The following NKAIN2 variants were observed in gnomAD, a reference collection of about 807,000 sequenced individuals.
NKAIN2 encodes sodium/potassium transporting ATPase interacting 2.
NKAIN2 carries 14 observed loss-of-function variants against 32.6 expected under a neutral mutation model. The ratio of observed to expected loss-of-function variants is 0.43; its 90% CI spans 0.28 to 0.67. The LOEUF (loss-of-function observed/expected upper bound fraction) is 0.67, where lower values mean the gene tolerates loss of function less well. Ranked by LOEUF, NKAIN2 falls within the 30% of genes least tolerant of loss-of-function variation. NKAIN2 has a pLI of 0.17. For missense variants in NKAIN2, 198 were observed against 258.3 expected (o/e 0.77, Z 1.60); for synonymous variants, 80 against 87.2 (o/e 0.92, Z 0.46).
At chr6:124,565,156 T>C (rs1037847986) in intron 3 of NKAIN2, among the ~76,000 whole-genome samples, 1 of 152,160 alleles carries the variant, frequency 6.6e-6, no homozygotes, top group Non-Finnish European at 1.5e-5. Context: ...AGAGGTATCA[T>C]AGCCAAGGTC....
chr6:124,437,727 G>A (rs978550208), intron 3 of NKAIN2, among the ~76,000 whole-genome samples: 47 of 152,256 alleles, frequency 3.1e-4, no homozygotes, highest in African/African-American at 1.1e-3. Context: ...GGTAAGGCAT[G>A]TGCTTTGTGC....
At chr6:123,856,495 T>C (rs1775559557) in intron 1 of NKAIN2, among the ~76,000 whole-genome samples, 1 of 152,232 alleles carries the variant, frequency 6.6e-6, no homozygotes, top group African/African-American at 2.4e-5. Flanking sequence ...ATGTTTCTCT[T>C]TCTTTGGATT....
chr6:124,620,767 G>C (rs1339517896), intron 3 of NKAIN2, among the ~76,000 whole-genome samples: 3 of 152,138 alleles, frequency 2.0e-5, no homozygotes, highest in African/African-American at 7.2e-5. Context: ...CAAAAGCTTG[G>C]AGGGGTTTTC....
rs143482640 is a variant in NKAIN2 at position 124,269,530 on chromosome 6, C to T, written c.55-13475C>T. Among the ~76,000 whole-genome samples, 93 of 148,940 alleles carry T rather than the reference C, an allele frequency of 6.2e-4. 1 individual carries two copies. Among genetic ancestry groups the T allele is most frequent in the Middle Eastern group, 3.5e-3 (1 of 282 alleles). On this transcript the variant is annotated intron_variant, in intron 1 of 6. Coordinates refer to ENST00000368417, the MANE Select transcript of NKAIN2 (RefSeq NM_001040214.3). ...TCACCTAGGCTGTGGTGCAATGGTG[C>T]GAACTCGGCTCACTGAAACCTCCGC...
At chr6:124,398,568 T>C (rs73578434) in intron 3 of NKAIN2, among the ~76,000 whole-genome samples, 5,279 of 152,202 alleles carry the variant, frequency 0.035, 286 homozygotes, top group African/African-American at 0.12. Context: ...ACTCATAGGC[T>C]TGAGAAGGCC....
intron 3 of NKAIN2, among the ~76,000 whole-genome samples, chr6:124,371,927 A>G (rs1054033907): frequency 2.6e-5 from 4 of 152,256 alleles, no homozygotes; most frequent in Admixed American, 2.0e-4. Flanking sequence ...CAGGGCACAC[A>G]TGACGTGATC....
intron 3 of NKAIN2, among the ~76,000 whole-genome samples, chr6:124,623,596 C>T (rs1783192160): frequency 1.3e-5 from 2 of 152,102 alleles, no homozygotes; most frequent in African/African-American, 4.8e-5. Flanking sequence ...TATTAAAACT[C>T]TAAATTCAAG....
At position 124,323,777 on chromosome 6, in the gene NKAIN2, A is replaced by ATTTTCTTTTTTTTTTTTTTTTTTTTT. The variant is rs1237658485; in HGVS notation, c.193-31486_193-31485insCTTTTTTTTTTTTTTTTTTTTTTTTT. ...TGATTTAGCTGTTTCAATTCTTTTA[A>ATTTTCTTTTTTTTTTTTTTTTTTTTT]TTTTTTCTTTTTTTTTTTTTTTTTT... On this transcript the variant is annotated intron_variant, in intron 2 of 6. Transcript: ENST00000368417. 2.6e-5 allele frequency among the ~76,000 whole-genome samples: 3 copies of ATTTTCTTTTTTTTTTTTTTTTTTTTT among 115,494 alleles called. 1 individual carries two copies. The highest frequency in any genetic ancestry group is 1.2e-4 in the African/African-American group (3 of 25,340). The allele number at this position is 115,494 out of a possible 152,430, so 75.8% of individuals were successfully genotyped here.
intron 3 of NKAIN2, among the ~76,000 whole-genome samples, chr6:124,408,962 G>C (rs1774008732): frequency 1.3e-5 from 2 of 152,104 alleles, no homozygotes; most frequent in Non-Finnish European, 2.9e-5. Flanking sequence ...TGAAGCAATT[G>C]TGAATGGGAG....
chr6:124,101,378 C>T (rs1291794083), intron 1 of NKAIN2, among the ~76,000 whole-genome samples: 1 of 152,168 alleles, frequency 6.6e-6, no homozygotes. Context: ...TTTTTGAAAG[C>T]TAGCCGGCTA....
intron 3 of NKAIN2, among the ~76,000 whole-genome samples, chr6:124,394,638 C>G (rs1773296109): frequency 1.4e-5 from 2 of 146,404 alleles, no homozygotes. Context: ...TATTTCAGTC[C>G]AAACCCAAAT....
intron 3 of NKAIN2, among the ~76,000 whole-genome samples, chr6:124,442,637 G>C (rs937017844): frequency 9.2e-5 from 14 of 152,016 alleles, no homozygotes; most frequent in African/African-American, 3.4e-4. Context: ...CCTGAATTAT[G>C]ATGCAGTAGT....
At chr6:124,052,302 T>A (rs1782446354) in intron 1 of NKAIN2, among the ~76,000 whole-genome samples, 1 of 152,062 alleles carries the variant, frequency 6.6e-6, no homozygotes, top group Non-Finnish European at 1.5e-5. Flanking sequence ...CTCATTTGTA[T>A]ACACAACTAT....
At chr6:124,821,962 G>A (rs993873710) in intron 6 of NKAIN2, among the ~76,000 whole-genome samples, 3 of 152,166 alleles carry the variant, frequency 2.0e-5, no homozygotes, top group Non-Finnish European at 4.4e-5. Context: ...CCTTCAGTTA[G>A]TGTTCTTTCC....
intron 1 of NKAIN2, among the ~76,000 whole-genome samples, chr6:124,195,396 T>C (rs1191589466): frequency 2.0e-5 from 3 of 152,140 alleles, no homozygotes; most frequent in East Asian, 3.9e-4. Context: ...AGGAAACAAA[T>C]TCAATGTTAG....
At chr6:124,489,607 A>G (rs1777782837) in intron 3 of NKAIN2, among the ~76,000 whole-genome samples, 1 of 151,926 alleles carries the variant, frequency 6.6e-6, no homozygotes, top group South Asian at 2.1e-4. Flanking sequence ...TGCAGTGTTG[A>G]ATATCTCATA....
At chr6:124,299,654 TC>T (rs1340910888) in intron 2 of NKAIN2, among the ~76,000 whole-genome samples, 1 of 152,232 alleles carries the variant, frequency 6.6e-6, no homozygotes, top group Non-Finnish European at 1.5e-5. Flanking sequence ...CCATGATTTT[TC>T]TTCAAATTTT....
chr6:124,323,002 T>G (rs1797258410), intron 2 of NKAIN2, among the ~76,000 whole-genome samples: 1 of 152,240 alleles, frequency 6.6e-6, no homozygotes, highest in Admixed American at 6.5e-5. Flanking sequence ...ATTGTAGCCT[T>G]AATTTGCATT....
At chr6:124,781,294 C>T (rs1370235535) in intron 4 of NKAIN2, among the ~76,000 whole-genome samples, 1 of 152,034 alleles carries the variant, frequency 6.6e-6, no homozygotes, top group African/African-American at 2.4e-5. Context: ...CTCTAAGCCT[C>T]AGTTTTTTCA....
Sources: allele counts gnomAD v4.1 joint callset (sites outside exome capture counted in the v4.1 genomes callset), GRCh38; gene constraint gnomAD v4.1.1; transcripts MANE v1.5; gene names NCBI Gene and HGNC (gene_info 2026-07-23, HGNC 2026-07-21).